The following SLC15A5 variants were observed in gnomAD, a reference collection of about 807,000 sequenced individuals.
SLC15A5 encodes the protein solute carrier family 15 member 5.
A neutral mutation model predicts 56.1 loss-of-function variants in SLC15A5; 58 were observed. That is an observed-to-expected ratio of 1.03 (90% CI 0.84 to 1.29). The LOEUF is 1.29. SLC15A5 is among the 50% of genes most tolerant of loss of function. The probability of loss-of-function intolerance (pLI) is 0.00; values close to 1 mark genes in which losing one functional copy is unlikely to be tolerated. For synonymous variants in SLC15A5, 264 were observed against 250.5 expected (o/e 1.05, Z -0.51); for missense variants, 681 against 672.1 (o/e 1.01, Z -0.15).
At chr12:16,205,697 C>G (rs1404822287) in intron 7 of SLC15A5, among the ~76,000 whole-genome samples, 2 of 150,912 alleles carry the variant, frequency 1.3e-5, no homozygotes, top group Non-Finnish European at 3.0e-5. Flanking sequence ...CATCTCCCAC[C>G]AAAATCAGAG....
intron 5 of SLC15A5, among the ~76,000 whole-genome samples, chr12:16,226,200 T>A (rs1324674694): frequency 6.6e-6 from 1 of 152,202 alleles, no homozygotes; most frequent in African/African-American, 2.4e-5. Context: ...TCTAGGTTAC[T>A]TATAATCCCT....
intron 7 of SLC15A5, among the ~76,000 whole-genome samples, chr12:16,207,670 G>C (rs899672281): frequency 7.3e-5 from 11 of 151,522 alleles, no homozygotes; most frequent in Admixed American, 5.9e-4. Context: ...TTTTGAGACG[G>C]AGTTTTGCTC....
rs140649176 is a variant in SLC15A5 at position 16,277,410 on chromosome 12, A to G, written c.276T>C (p.Leu92=). 2,273 of 1,536,518 alleles carry G rather than the reference A, an allele frequency of 1.5e-3. 6 individuals carry two copies. Among genetic ancestry groups the G allele is most frequent in the Middle Eastern group, 7.4e-3 (44 of 5,982 alleles). ...TGAGCCATCTGACAAACACAGGGGT[A>G]AGTATTGAAGTTCCAATAAAACACA... ...LNLCFIGTSI[L]TPVFVRWLTD... is the part of the protein sequence containing the mutation. Residue 92 remains leucine, a synonymous_variant, in exon 1 of 9, where the codon CTT becomes CTC. Coordinates refer to ENST00000344941, the MANE Select transcript of SLC15A5 (RefSeq NM_001170798.1).
At chr12:16,232,361 A>T (rs1864307182) in intron 5 of SLC15A5, among the ~76,000 whole-genome samples, 1 of 152,286 alleles carries the variant, frequency 6.6e-6, no homozygotes, top group South Asian at 2.1e-4. Context: ...AAATATTGAG[A>T]CTTACTGAGT....
At chr12:16,248,460 G>GT (rs1361316232) in intron 3 of SLC15A5, among the ~76,000 whole-genome samples, 2 of 152,062 alleles carry the variant, frequency 1.3e-5, no homozygotes, top group Non-Finnish European at 2.9e-5. Flanking sequence ...TGCTAGATGG[G>GT]TTGTAAGAGG....
At chr12:16,252,489 C>A (rs1469175774) in intron 3 of SLC15A5, among the ~76,000 whole-genome samples, 1 of 152,012 alleles carries the variant, frequency 6.6e-6, no homozygotes, top group Admixed American at 6.6e-5. Flanking sequence ...ACTCAAAAAT[C>A]AGTTGCATTT....
At chr12:16,264,572 G>A (rs932901767) in intron 2 of SLC15A5, among the ~76,000 whole-genome samples, 3 of 152,108 alleles carry the variant, frequency 2.0e-5, no homozygotes, top group Non-Finnish European at 4.4e-5. Context: ...TTTGGGAGGG[G>A]CCAGAGGCAG....
rs540365942 is a variant in SLC15A5, at chr12:16,237,438, G to A, written c.1162+2243C>T. On this transcript the variant is annotated intron_variant, in intron 5 of 8. Coordinates refer to ENST00000344941, the MANE Select transcript of SLC15A5 (RefSeq NM_001170798.1). This position sits in a 1 kb window ranked among gnomAD's most constrained non-coding sequence, Gnocchi z 4.1. ...AACGTAGCTTAGTTTCTTTTGAAGT[G>A]AGTCTAGTTTTTCCTTTTTCCTGTG... Among the ~76,000 whole-genome samples the A allele has an allele frequency of 1.2e-3, 181 of 152,252 alleles. No homozygotes were observed. Among genetic ancestry groups the A allele is most frequent in the Non-Finnish European group, 2.3e-3 (157 of 67,986 alleles).
intron 6 of SLC15A5, among the ~76,000 whole-genome samples, chr12:16,223,065 T>C (rs1231355570): frequency 6.6e-6 from 1 of 152,194 alleles, no homozygotes; most frequent in Non-Finnish European, 1.5e-5. Context: ...TATATGCATA[T>C]ACTCCAACTT....
chr12:16,266,053 A>T (rs1864692463), intron 2 of SLC15A5, among the ~76,000 whole-genome samples: 1 of 152,230 alleles, frequency 6.6e-6, no homozygotes, highest in South Asian at 2.1e-4. Context: ...AAAGTGATAG[A>T]ACATGGAACG....
chr12:16,251,056 A>G (rs566761234), intron 3 of SLC15A5, among the ~76,000 whole-genome samples: 7 of 152,110 alleles, frequency 4.6e-5, no homozygotes, highest in African/African-American at 1.4e-4. Flanking sequence ...AAAAATTGAC[A>G]AGAAATGAAT....
intron 7 of SLC15A5, among the ~76,000 whole-genome samples, chr12:16,201,444 C>T (rs1863954561): frequency 6.6e-6 from 1 of 152,096 alleles, no homozygotes; most frequent in Non-Finnish European, 1.5e-5. Flanking sequence ...TTACAGACAA[C>T]TGATTTTTGA....
At chr12:16,216,204 C>A (rs1477520274) in intron 7 of SLC15A5, among the ~76,000 whole-genome samples, 1 of 152,022 alleles carries the variant, frequency 6.6e-6, no homozygotes, top group Non-Finnish European at 1.5e-5. Flanking sequence ...CATTTTAGAA[C>A]AAAATTTCAA....
intron 2 of SLC15A5, among the ~76,000 whole-genome samples, chr12:16,259,024 C>CTTTTTTTTTTTTTTTTTTTTTTT (rs5796661): frequency 1.6e-5 from 1 of 63,218 alleles, no homozygotes; most frequent in African/African-American, 6.5e-5. Flanking sequence ...TCTTTCTTTC[C>CTTTTTTTTTTTTTTTTTTTTTTT]TTTTTTTTTT....
rs1463417806 is a variant in SLC15A5 at position 16,188,910 on chromosome 12, G to A, written c.*758C>T. On this transcript the variant is annotated 3_prime_UTR_variant, in exon 9 of 9. Coordinates refer to ENST00000344941, the MANE Select transcript of SLC15A5 (RefSeq NM_001170798.1). ...TTCTGAATGCATCTGAATTGGCAGT[G>A]GAGACCGAAAGATGTTATTCATATA... 1 of 152,164 alleles carries A rather than the reference G, an allele frequency of 6.6e-6. No homozygotes were observed. Among genetic ancestry groups the A allele is most frequent in the Non-Finnish European group, 1.5e-5 (1 of 68,026 alleles). The allele number at this position is 152,164 out of a possible 1,614,324, so 9.4% of individuals were successfully genotyped here. A position where few individuals can be genotyped will look rare whatever the true frequency, so the allele number is the denominator to read the frequency against.
At position 16,235,273 on chromosome 12, in the gene SLC15A5, T is replaced by C. The variant is rs1396577829; in HGVS notation, c.1162+4408A>G. Among the ~76,000 whole-genome samples the C allele has an allele frequency of 7.9e-6, 1 of 126,826 alleles. No individual in the cohort carries two copies. Among genetic ancestry groups the C allele is most frequent in the Middle Eastern group, 3.9e-3 (1 of 254 alleles). 83.2% of individuals were successfully genotyped at this position (126,826 alleles called of 152,430 possible). ...ATATATGTGTATATATATGTATATG[T>C]ATATATATGTATATATGTATATGTA... On this transcript the variant is annotated intron_variant, in intron 5 of 8. Transcript: ENST00000344941. This position sits in a 1 kb window ranked among gnomAD's most constrained non-coding sequence, Gnocchi z 4.1.
intron 5 of SLC15A5, among the ~76,000 whole-genome samples, chr12:16,227,264 G>A (rs953949762): frequency 6.6e-6 from 1 of 152,130 alleles, no homozygotes; most frequent in African/African-American, 2.4e-5. Flanking sequence ...CATATTATCT[G>A]ATTTTAAGAC....
At position 16,247,289 on chromosome 12, in the gene SLC15A5, C is replaced by A. The variant is rs1591654616; in HGVS notation, c.755-2489G>T. The stretch of plus-strand genomic sequence containing the variant: ...ATGGTCAAGAAAGAAGAAATGAGAA[C>A]ATATGAATGAGGTCTAAAACTCTAG... On this transcript the variant is annotated intron_variant, in intron 3 of 8. Transcript: ENST00000344941. Among the ~76,000 whole-genome samples the A allele has an allele frequency of 2.0e-5, 3 of 152,246 alleles. No homozygotes were observed. The South Asian group carries it at 6.2e-4, about 32-fold the overall frequency.
chr12:16,212,461 T>C (rs955362430), intron 7 of SLC15A5, among the ~76,000 whole-genome samples: 9 of 152,138 alleles, frequency 5.9e-5, no homozygotes, highest in African/African-American at 1.9e-4. Context: ...ATTTCTTTCA[T>C]TGAGGAATAC....
Sources: allele counts gnomAD v4.1 joint callset (sites outside exome capture counted in the v4.1 genomes callset), GRCh38; gene constraint gnomAD v4.1.1; non-coding constraint Gnocchi (gnomAD v3.1); transcripts MANE v1.5; gene names NCBI Gene and HGNC (gene_info 2026-07-23, HGNC 2026-07-21).